Variants in DPH3 observed in about 807,000 individuals in gnomAD.
DPH3 encodes diphthamide biosynthesis protein 3.
Under a neutral mutation model 10.2 loss-of-function variants are expected in DPH3, and 8 were observed. The observed-to-expected ratio is 0.79, with a 90% CI of 0.46 to 1.42. The LOEUF is 1.42. Ranked by LOEUF, DPH3 falls within the 40% of genes most tolerant of loss-of-function variation. The pLI is 0.00. For synonymous variants in DPH3, 35 were observed against 35.6 expected (o/e 0.98, Z 0.06); for missense variants, 96 against 98.9 (o/e 0.97, Z 0.12).
At position 16,264,000 on chromosome 3, in the gene DPH3, C is replaced by T. The variant is rs2064339246; in HGVS notation, c.183+155G>A. On this transcript the variant is annotated intron_variant, in intron 2 of 2. Transcript: ENST00000488423. This position sits in a 1 kb window ranked among gnomAD's most constrained non-coding sequence, Gnocchi z 4.0. ...TTAAACGTTTTAATTTACTATTCGGCTGTTTATCAATGGTGTTTAAAACCT... is the reference window on the plus strand; with the variant it reads ...TTAAACGTTTTAATTTACTATTCGGTTGTTTATCAATGGTGTTTAAAACCT... Among the ~76,000 whole-genome samples, 1 of 152,140 alleles carries T rather than the reference C, an allele frequency of 6.6e-6. No individual in the cohort carries two copies. Among genetic ancestry groups the T allele is most frequent in the African/African-American group, 2.4e-5 (1 of 41,424 alleles).
In DPH3 at chr3:16,264,781, G is replaced by T. The variant is rs1427817498; in HGVS notation, c.96C>A (p.Phe32Leu). 1.9e-6 allele frequency: 3 copies of T among 1,614,196 alleles called. No homozygotes were observed. The highest frequency in any genetic ancestry group is 1.7e-6 in the Non-Finnish European group (2 of 1,180,026). ...YFYPCPCGDN[F>L]SITKEDLENG... ...ACCCTGAAGTTACCTTGGTGATGGA[G>T]AAGTTATCTCCACATGGGCAGGGAT... The change falls in exon 1 of 3, where the codon TTC becomes TTA. Residue 32 changes from phenylalanine (F) to leucine (L), a missense_variant. Phe to Leu is a conservative substitution (Grantham distance 22). Transcript: ENST00000488423.
At position 16,260,798 on chromosome 3, in the gene DPH3, G is replaced by T; in HGVS notation, c.215C>A (p.Ala72Asp). 6.2e-7 allele frequency: 1 copy of T among 1,613,846 alleles called. No individual in the cohort carries two copies. Among genetic ancestry groups the T allele is most frequent in the Non-Finnish European group, 8.5e-7 (1 of 1,179,824 alleles). ...DQFVCGETVP[A>D]PSANKELVKC ...AACTAATTCTTTGTTGGCTGAAGGG[G>T]CTGGGACTGTTTCTCCACACACAAA... The change falls in exon 3 of 3, where the codon GCC becomes GAC. Residue 72 changes from alanine to aspartate, a missense_variant. Coordinates refer to ENST00000488423, the MANE Select transcript of DPH3 (RefSeq NM_206831.3).
Position 16,264,863 on chromosome 3 carries a change from T to A in DPH3, c.14A>T (p.His5Leu). 1 of 1,614,208 alleles carries A rather than the reference T, an allele frequency of 6.2e-7. No individual in the cohort carries two copies. The highest frequency in any genetic ancestry group is 8.5e-7 in the Non-Finnish European group (1 of 1,180,016). The change falls in exon 1 of 3, where the codon CAT becomes CTT. Residue 5 changes from histidine to leucine, a missense_variant. By Grantham distance (99) the His-to-Leu change is moderately conservative. Transcript: ENST00000488423. The stretch of plus-strand genomic sequence containing the variant: ...GAAGTCCTCGATTTCCACCTCGTCA[T>A]GAAACACTGCCATGGTCAGCGGGGG... The part of the protein sequence containing the change: MAVF[H>L]DEVEIEDFQY...
chr3:16,263,895 TA>T lies in DPH3; in HGVS notation c.183+259del, dbSNP rs1486771941. Among the ~76,000 whole-genome samples the T allele has an allele frequency of 3.9e-5, 6 of 152,242 alleles. No individual in the cohort carries two copies. The highest frequency in any genetic ancestry group is 9.6e-5 in the African/African-American group (4 of 41,466). The stretch of plus-strand genomic sequence containing the variant: ...AAATTGTCCACTAAAATAATCTATA[TA>T]CTTTCTATTTAATAAATAATAATTT... On this transcript the variant is annotated intron_variant, in intron 2 of 2. Transcript: ENST00000488423. This position sits in a 1 kb window ranked among gnomAD's most constrained non-coding sequence, Gnocchi z 4.0.
Position 16,260,834 on chromosome 3 carries a change from G to C in DPH3, c.184-5C>G. ...TTCTCCACACACAAACTGATCCTAA[G>C]ACAGAGTGAGAAATGACATTAACCA... On this transcript the variant is annotated splice_region_variant and splice_polypyrimidine_tract_variant and intron_variant, in intron 2 of 2. Transcript: ENST00000488423. The C allele has an allele frequency of 6.2e-7, 1 of 1,612,586 alleles. No individual in the cohort carries two copies. Among genetic ancestry groups the C allele is most frequent in the South Asian group, 1.1e-5 (1 of 90,868 alleles).
rs1435689680 is a variant in DPH3, at chr3:16,257,410, A to G, written c.*3354T>C. 1.3e-5 allele frequency among the ~76,000 whole-genome samples: 2 copies of G among 152,228 alleles called. No individual in the cohort carries two copies. Among genetic ancestry groups the G allele is most frequent in the African/African-American group, 4.8e-5 (2 of 41,472 alleles). The stretch of plus-strand genomic sequence containing the variant: ...CTGTAATCTTGCTTCTGTCTCTTCT[A>G]GTTCCACTAAGTTTCCAAATGTAGA... On this transcript the variant is annotated 3_prime_UTR_variant, in exon 3 of 3. Transcript: ENST00000488423.
rs117215674 is a variant in DPH3, at chr3:16,257,428, A to T, written c.*3336T>A. ...CTCTTCTAGTTCCACTAAGTTTCCA[A>T]ATGTAGAAACCGAATCTTCTTCCCC... On this transcript the variant is annotated 3_prime_UTR_variant, in exon 3 of 3. Transcript: ENST00000488423. 2.8e-4 allele frequency among the ~76,000 whole-genome samples: 42 copies of T among 152,298 alleles called. No individual in the cohort carries two copies. In the East Asian group the frequency reaches 7.9e-3, roughly 29 times the overall value.
rs1283016692 is a variant in DPH3 at position 16,262,950 on chromosome 3, T to A, written c.183+1205A>T. 6.6e-6 allele frequency among the ~76,000 whole-genome samples: 1 copy of A among 152,118 alleles called. No homozygotes were observed. The highest frequency in any genetic ancestry group is 2.4e-5 in the African/African-American group (1 of 41,388). On this transcript the variant is annotated intron_variant, in intron 2 of 2. Coordinates refer to ENST00000488423, the MANE Select transcript of DPH3 (RefSeq NM_206831.3). The surrounding 1 kb of genome is among the most constrained non-coding windows in gnomAD (Gnocchi z 4.7). ...GCTGTAACCAGGTCCAAGCCACCCA[T>A]CTCCTTCTTTAATTAGTGTAATAGC...
At position 16,257,865 on chromosome 3, in the gene DPH3, CAA is replaced by C. The variant is rs776202664; in HGVS notation, c.*2897_*2898del. On this transcript the variant is annotated 3_prime_UTR_variant, in exon 3 of 3. Transcript: ENST00000488423. Reference sequence around the variant, plus strand: ...CTTATTTAAAAACTACTGTCCATAACAAAAAGTCTATTAACAATACCCCAAAG... The same window carrying C: ...CTTATTTAAAAACTACTGTCCATAACAAAGTCTATTAACAATACCCCAAAG... 5 of 152,144 alleles carry C rather than the reference CAA, an allele frequency of 3.3e-5. No individual in the cohort carries two copies. The highest frequency in any genetic ancestry group is 2.1e-4 in the South Asian group (1 of 4,830). 9.4% of individuals were successfully genotyped at this position (152,144 alleles called of 1,614,324 possible).
At position 16,260,476 on chromosome 3, in the gene DPH3, A is replaced by G. The variant is rs894939453; in HGVS notation, c.*288T>C. The G allele has an allele frequency of 3.0e-5, 10 of 330,932 alleles. No homozygotes were observed. The highest frequency in any genetic ancestry group is 2.1e-4 in the African/African-American group (10 of 47,746). The allele number at this position is 330,932 out of a possible 1,614,324, so 20.5% of individuals were successfully genotyped here. On this transcript the variant is annotated 3_prime_UTR_variant, in exon 3 of 3. Coordinates refer to ENST00000488423, the MANE Select transcript of DPH3 (RefSeq NM_206831.3). ...CGAAGTAATTTGGTTTAAGATATGA[A>G]AATGATGAAACCAAGGGAAAGAAAG...
chr3:16,263,047 C>G lies in DPH3; in HGVS notation c.183+1108G>C, dbSNP rs915454180. On this transcript the variant is annotated intron_variant, in intron 2 of 2. Coordinates refer to ENST00000488423, the MANE Select transcript of DPH3 (RefSeq NM_206831.3). This position sits in a 1 kb window ranked among gnomAD's most constrained non-coding sequence, Gnocchi z 4.0. ...CTACTCTGAACACAGCAGCCAGAATCATTTTTTAAAAAACTTAAGTTGGAT... is the reference window on the plus strand; with the variant it reads ...CTACTCTGAACACAGCAGCCAGAATGATTTTTTAAAAAACTTAAGTTGGAT... 6.6e-6 allele frequency among the ~76,000 whole-genome samples: 1 copy of G among 152,148 alleles called. No homozygotes were observed. Among genetic ancestry groups the G allele is most frequent in the Non-Finnish European group, 1.5e-5 (1 of 68,020 alleles).
rs1030700854 is a variant in DPH3 at position 16,261,753 on chromosome 3, C to T, written c.184-924G>A. 1.1e-4 allele frequency among the ~76,000 whole-genome samples: 17 copies of T among 152,192 alleles called. No homozygotes were observed. Among genetic ancestry groups the T allele is most frequent in the African/African-American group, 3.6e-4 (15 of 41,452 alleles). On this transcript the variant is annotated intron_variant, in intron 2 of 2. Transcript: ENST00000488423. This position sits in a 1 kb window ranked among gnomAD's most constrained non-coding sequence, Gnocchi z 7.1. ...CCCCTACAAGCCCATCTAGTGGAGG[C>T]TCTGTGTTCTCAGAGTCCTAGTACC... is the stretch of plus-strand genomic sequence containing the variant.
In DPH3 at chr3:16,260,692, A is replaced by G; in HGVS notation, c.*72T>C. On this transcript the variant is annotated 3_prime_UTR_variant, in exon 3 of 3. Transcript: ENST00000488423. ...CATAAATGGTTGTCTCTGTGAAGCC[A>G]GTAGCTTTGCATTCGATATTTCTAT... is the stretch of plus-strand genomic sequence containing the variant. 1.5e-6 allele frequency: 2 copies of G among 1,358,806 alleles called. No homozygotes were observed. Among genetic ancestry groups the G allele is most frequent in the Non-Finnish European group, 2.1e-6 (2 of 961,204 alleles). The allele number at this position is 1,358,806 out of a possible 1,614,324, so 84.2% of individuals were successfully genotyped here. A position where few individuals can be genotyped will look rare whatever the true frequency, so the allele number is the denominator to read the frequency against.
Position 16,264,248 on chromosome 3 carries a change from C to T in DPH3, c.109-19G>A. On this transcript the variant is annotated intron_variant, in intron 1 of 2. Transcript: ENST00000488423. Reference sequence around the variant, plus strand: ...AATCTTCCTACAACGAAATCAAATACCATGTGGTCAGGATAGCTTCTCTTC... The same window carrying T: ...AATCTTCCTACAACGAAATCAAATATCATGTGGTCAGGATAGCTTCTCTTC... 2 of 1,592,676 alleles carry T rather than the reference C, an allele frequency of 1.3e-6. No homozygotes were observed. Among genetic ancestry groups the T allele is most frequent in the Non-Finnish European group, 1.7e-6 (2 of 1,165,754 alleles).
rs1186709947 is a variant in DPH3 at position 16,259,487 on chromosome 3, G to C, written c.*1277C>G. 1 of 152,160 alleles carries C rather than the reference G, an allele frequency of 6.6e-6. No homozygotes were observed. Among genetic ancestry groups the C allele is most frequent in the Non-Finnish European group, 1.5e-5 (1 of 68,016 alleles). 9.4% of individuals were successfully genotyped at this position (152,160 alleles called of 1,614,324 possible). On this transcript the variant is annotated 3_prime_UTR_variant, in exon 3 of 3. Transcript: ENST00000488423. ...GCAGAAGCCATTCCTAAAACAACCT[G>C]ACGGACATCACTGCATTAATAAATA...
chr3:16,264,925 G>C lies in DPH3; in HGVS notation c.-49C>G, dbSNP rs778858454. 6.2e-7 allele frequency: 1 copy of C among 1,600,776 alleles called. No individual in the cohort carries two copies. The highest frequency in any genetic ancestry group is 8.5e-7 in the Non-Finnish European group (1 of 1,169,928). ...GTAACGCCCCAGCAGTCCGAGGCCA[G>C]CTCCGAGGGTTTAACTTCGCCGGAA... On this transcript the variant is annotated 5_prime_UTR_variant, in exon 1 of 3. Transcript: ENST00000488423.
At position 16,262,476 on chromosome 3, in the gene DPH3, A is replaced by G. The variant is rs1374332707; in HGVS notation, c.184-1647T>C. 2.6e-5 allele frequency among the ~76,000 whole-genome samples: 4 copies of G among 152,082 alleles called. No individual in the cohort carries two copies. The highest frequency in any genetic ancestry group is 4.4e-5 in the Non-Finnish European group (3 of 68,014). ...ACACTGCTGATTTTCCTCCTTTCTCAGTGGTTTCTCCTTTACCATCAGCTT... is the reference window on the plus strand; with the variant it reads ...ACACTGCTGATTTTCCTCCTTTCTCGGTGGTTTCTCCTTTACCATCAGCTT... On this transcript the variant is annotated intron_variant, in intron 2 of 2. Coordinates refer to ENST00000488423, the MANE Select transcript of DPH3 (RefSeq NM_206831.3). The surrounding 1 kb of genome is among the most constrained non-coding windows in gnomAD (Gnocchi z 4.7).
chr3:16,260,601 A>T lies in DPH3; in HGVS notation c.*163T>A. 3.5e-6 allele frequency: 2 copies of T among 563,964 alleles called. No individual in the cohort carries two copies. The highest frequency in any genetic ancestry group is 3.2e-6 in the Non-Finnish European group (1 of 313,136). 34.9% of individuals were successfully genotyped at this position (563,964 alleles called of 1,614,324 possible). A position where few individuals can be genotyped will look rare whatever the true frequency, so the allele number is the denominator to read the frequency against. On this transcript the variant is annotated 3_prime_UTR_variant, in exon 3 of 3. Coordinates refer to ENST00000488423, the MANE Select transcript of DPH3 (RefSeq NM_206831.3). Reference sequence around the variant, plus strand: ...AAAATCCAGATATGTCATGTTATGGACTTGCTTCCTGAAGATGATATCAGC... The same window carrying T: ...AAAATCCAGATATGTCATGTTATGGTCTTGCTTCCTGAAGATGATATCAGC...
At position 16,263,250 on chromosome 3, in the gene DPH3, C is replaced by G. The variant is rs992946777; in HGVS notation, c.183+905G>C. On this transcript the variant is annotated intron_variant, in intron 2 of 2. Transcript: ENST00000488423. This position sits in a 1 kb window ranked among gnomAD's most constrained non-coding sequence, Gnocchi z 4.0. ...CAGGCATGTTCCTGTCTTAGGTCCCCTTCACTGAACGATCCTTTGCTCGAC... is the reference window on the plus strand; with the variant it reads ...CAGGCATGTTCCTGTCTTAGGTCCCGTTCACTGAACGATCCTTTGCTCGAC... Among the ~76,000 whole-genome samples, 5 of 152,134 alleles carry G rather than the reference C, an allele frequency of 3.3e-5. No individual in the cohort carries two copies. The highest frequency in any genetic ancestry group is 1.2e-4 in the African/African-American group (5 of 41,412).
Sources: gnomAD v4.1 joint callset for allele counts (sites outside exome capture counted in the v4.1 genomes callset) on GRCh38, gnomAD v4.1.1 for gene constraint, Gnocchi (gnomAD v3.1) non-coding constraint, MANE v1.5 for transcripts, NCBI Gene and HGNC (gene_info 2026-07-23, HGNC 2026-07-21) for gene names.